CSMD2: variants seen among roughly 807,000 people sequenced by gnomAD.
The protein encoded by CSMD2 is CUB and sushi domain-containing protein 2.
CSMD2 carries 130 observed loss-of-function variants against 398.5 expected under a neutral mutation model. The observed-to-expected ratio is 0.33, with a 90% CI of 0.28 to 0.38. CSMD2 has a LOEUF of 0.38. Ranked by LOEUF, CSMD2 falls within the 10% of genes least tolerant of loss-of-function variation. The probability of loss-of-function intolerance (pLI) is 1.00; values close to 1 mark genes in which losing one functional copy is unlikely to be tolerated. For synonymous variants in CSMD2, 1,828 were observed against 1,908.5 expected, an observed-to-expected ratio of 0.96 and a Z score of 1.10; for missense variants, 3,829 against 4,764.9, an observed-to-expected ratio of 0.80 and a Z score of 5.78.
rs71647941 is a variant in CSMD2, at chr1:33,597,186, T to C, written c.6856+3679A>G. On this transcript the variant is annotated intron_variant, in intron 44 of 70. Transcript: ENST00000373381. ...TATTGATCCTCATATGAAAAGAAAG[T>C]TCCTTAGGGCTGCTTGCCTGGAGAA... 6.9e-3 allele frequency among the ~76,000 whole-genome samples: 1,049 copies of C among 152,294 alleles called. 6 individuals are homozygous for C. The highest frequency in any genetic ancestry group is 0.019 in the South Asian group (90 of 4,826).
Position 33,521,560 on chromosome 1 carries a change from T to C in CSMD2, c.10510-10A>G. On this transcript the variant is annotated splice_polypyrimidine_tract_variant and intron_variant, in intron 67 of 70. Coordinates refer to ENST00000373381, the MANE Select transcript of CSMD2 (RefSeq NM_001281956.2). The stretch of plus-strand genomic sequence containing the variant: ...AGGACTCTGACGAGACCTGTGATGG[T>C]GGGGAGCACAGAGAGCAGGTGGGAG... 6.3e-7 allele frequency: 1 copy of C among 1,574,942 alleles called. No individual in the cohort carries two copies. The highest frequency in any genetic ancestry group is 8.7e-7 in the Non-Finnish European group (1 of 1,144,290).
intron 1 of CSMD2, among the ~76,000 whole-genome samples, chr1:34,108,435 C>T (rs188728385): frequency 1.3e-5 from 2 of 152,256 alleles, no homozygotes; most frequent in African/African-American, 4.8e-5. Flanking sequence ...GTTCTCAAGA[C>T]CACATTCACA....
chr1:33,712,628 T>C (rs574875055), intron 21 of CSMD2, among the ~76,000 whole-genome samples: 1 of 152,348 alleles, frequency 6.6e-6, no homozygotes, highest in African/African-American at 2.4e-5. Flanking sequence ...AGTTAAAGAA[T>C]GAGTTTATGT....
At chr1:33,667,254 C>G (rs513593) in intron 25 of CSMD2, among the ~76,000 whole-genome samples, 142,746 of 152,310 alleles carry the variant, frequency 0.94, 67,011 homozygotes, top group African/African-American at 0.98. Flanking sequence ...CAGTCTGACA[C>G]GAAGCTGAGA....
In CSMD2 at chr1:33,572,690, A is replaced by G; in HGVS notation, c.7578T>C (p.Ala2526=). 6.2e-7 allele frequency: 1 copy of G among 1,603,356 alleles called. No homozygotes were observed. Among genetic ancestry groups the G allele is most frequent in the Non-Finnish European group, 8.5e-7 (1 of 1,172,660 alleles). ...LWSEAIPLCQ[A]LSCGLPEAPK... ...GGGCCTCAGGAAGCCCACAGGAAAG[A>G]GCTAGCAAAAGGAAAACAATGTCAT... Residue 2526 remains alanine (A), a splice_region_variant and synonymous_variant, in exon 50 of 71, where the codon GCT becomes GCC. Transcript: ENST00000373381.
At chr1:34,017,551 G>A (rs1436819685) in intron 3 of CSMD2, among the ~76,000 whole-genome samples, 1 of 152,214 alleles carries the variant, frequency 6.6e-6, no homozygotes, top group Non-Finnish European at 1.5e-5. Flanking sequence ...GAGCCCAGGT[G>A]TTTGAGACCA....
chr1:34,066,163 G>C (rs542117217), intron 2 of CSMD2, among the ~76,000 whole-genome samples: 2 of 152,332 alleles, frequency 1.3e-5, no homozygotes, highest in East Asian at 3.9e-4. Context: ...AAGCTGAGAA[G>C]AGTGCTGGGT....
intron 12 of CSMD2, among the ~76,000 whole-genome samples, chr1:33,780,821 G>GCATCTTAGGAACATGTTAGTGA (rs1553203569): frequency 2.0e-5 from 3 of 152,334 alleles, no homozygotes; most frequent in South Asian, 4.1e-4. Flanking sequence ...AACTCAGCGG[G>GCATCTTAGGAACATGTTAGTGA]CATCTTAGGA....
chr1:33,558,063 C>T (rs1217708588), intron 54 of CSMD2, 141 bp from the exon 55 acceptor site: 3 of 686,606 alleles, frequency 4.4e-6, no homozygotes, highest in Non-Finnish European at 7.4e-6. Context: ...ACCTTGGTTA[C>T]CTGGTCAGAA....
intron 26 of CSMD2, among the ~76,000 whole-genome samples, chr1:33,661,579 C>CT (rs1262622157): frequency 2.6e-5 from 4 of 152,128 alleles, no homozygotes; most frequent in African/African-American, 9.7e-5. Context: ...ATGCAAACTT[C>CT]TTTTTTCTTG....
At chr1:33,929,868 AAC>A (rs1644256385) in intron 4 of CSMD2, among the ~76,000 whole-genome samples, 4 of 152,082 alleles carry the variant, frequency 2.6e-5, no homozygotes, top group African/African-American at 4.8e-5. Flanking sequence ...GTCTTCACAC[AAC>A]AGGCTCCTCC....
chr1:34,038,875 T>C (rs984388530), intron 2 of CSMD2, among the ~76,000 whole-genome samples: 4 of 152,208 alleles, frequency 2.6e-5, no homozygotes, highest in African/African-American at 4.8e-5. Flanking sequence ...TTAAATACTC[T>C]TCCCCCGCTT....
At chr1:33,704,184 A>G (rs1645700241) in intron 22 of CSMD2, among the ~76,000 whole-genome samples, 1 of 152,238 alleles carries the variant, frequency 6.6e-6, no homozygotes, top group Admixed American at 6.5e-5. Context: ...ATTTGGTTAT[A>G]GAAACACCAG....
chr1:33,696,163 T>C (rs1645413081), intron 24 of CSMD2, among the ~76,000 whole-genome samples: 1 of 152,178 alleles, frequency 6.6e-6, no homozygotes, highest in Non-Finnish European at 1.5e-5. Flanking sequence ...CAAATTACTA[T>C]AAGCGTCTGA....
At chr1:34,067,483 C>A (rs1350156922) in intron 2 of CSMD2, among the ~76,000 whole-genome samples, 1 of 152,082 alleles carries the variant, frequency 6.6e-6, no homozygotes, top group Non-Finnish European at 1.5e-5. Context: ...CATAAGAAAC[C>A]AATATTCTGC....
At chr1:33,527,361 G>C in intron 64 of CSMD2, 103 bp from the exon 65 acceptor site, 1 of 863,244 alleles carries the variant, frequency 1.2e-6, no homozygotes, top group Non-Finnish European at 1.8e-6. Context: ...TGGGTTCTTT[G>C]AGATCTTGCT....
chr1:33,668,481 T>C lies in CSMD2; in HGVS notation c.4053-5389A>G, dbSNP rs1205776979. Among the ~76,000 whole-genome samples the C allele has an allele frequency of 2.6e-5, 4 of 152,154 alleles. No homozygotes were observed. In the East Asian group the frequency reaches 7.7e-4, roughly 29 times the overall value. ...ACTTGGTTTGCCAACCCAACCACATTTATTAAGACTCTTATTGAATACTTA... is the reference window on the plus strand; with the variant it reads ...ACTTGGTTTGCCAACCCAACCACATCTATTAAGACTCTTATTGAATACTTA... On this transcript the variant is annotated intron_variant, in intron 25 of 70. Coordinates refer to ENST00000373381, the MANE Select transcript of CSMD2 (RefSeq NM_001281956.2).
At chr1:33,912,478 T>C (rs1230631705) in intron 5 of CSMD2, among the ~76,000 whole-genome samples, 3 of 151,364 alleles carry the variant, frequency 2.0e-5, no homozygotes, top group Admixed American at 6.6e-5. Flanking sequence ...GCTTCAATTC[T>C]GAGTGCAGGT....
At chr1:33,589,586 T>C (rs1387048025) in intron 44 of CSMD2, among the ~76,000 whole-genome samples, 2 of 152,226 alleles carry the variant, frequency 1.3e-5, no homozygotes, top group African/African-American at 4.8e-5. Context: ...AAAAGAGTTG[T>C]GATGAACCAA....
Sources: gnomAD v4.1 joint callset for allele counts (sites outside exome capture counted in the v4.1 genomes callset) on GRCh38, gnomAD v4.1.1 for gene constraint, MANE v1.5 for transcripts, NCBI Gene and HGNC (gene_info 2026-07-23, HGNC 2026-07-21) for gene names.